The following KANSL1L variants were observed in gnomAD, a reference collection of about 807,000 sequenced individuals.
The protein encoded by KANSL1L is KAT8 regulatory NSL complex subunit 1-like protein.
KANSL1L carries 25 observed loss-of-function variants against 108.6 expected under a neutral mutation model. That is an observed-to-expected ratio of 0.23 (90% CI 0.17 to 0.32). The LOEUF is 0.32. Ranked by LOEUF, KANSL1L falls within the 10% of genes least tolerant of loss-of-function variation. KANSL1L has a pLI of 1.00. For missense variants in KANSL1L, 1,137 were observed against 1,125.7 expected (o/e 1.01, Z -0.14); for synonymous variants, 405 against 395.1 (o/e 1.03, Z -0.30).
At chr2:210,153,449 G>A (rs374719376) in intron 2 of KANSL1L, 46 bp downstream of exon 2, 1 of 1,436,280 alleles carries the variant, frequency 7.0e-7, no homozygotes. Flanking sequence ...GATAATTGCT[G>A]CTATATATGG....
In KANSL1L at chr2:210,079,646, A is replaced by ATATATATATGTGTG. The variant is rs1559539677; in HGVS notation, c.1551-3891_1551-3890insCACACATATATATA. Among the ~76,000 whole-genome samples, 7 of 13,128 alleles carry ATATATATATGTGTG rather than the reference A, an allele frequency of 5.3e-4. 1 individual carries two copies. The highest frequency in any genetic ancestry group is 7.4e-3 in the South Asian group (2 of 270). 8.6% of individuals were successfully genotyped at this position (13,128 alleles called of 152,430 possible). On this transcript the variant is annotated intron_variant, in intron 5 of 14. Transcript: ENST00000281772. ...TATATATATATATATATATATATAT[A>ATATATATATGTGTG]TATATATATATATATATATGTATGT...
At chr2:210,100,218 A>G (rs1013119463) in intron 4 of KANSL1L, among the ~76,000 whole-genome samples, 3 of 152,136 alleles carry the variant, frequency 2.0e-5, no homozygotes, top group African/African-American at 7.2e-5. Context: ...GCTGCTCCTT[A>G]TAAGACTCTA....
chr2:210,098,439 A>C (rs1156806646), intron 4 of KANSL1L, among the ~76,000 whole-genome samples: 1 of 151,982 alleles, frequency 6.6e-6, no homozygotes, highest in Non-Finnish European at 1.5e-5. Flanking sequence ...TTGTTCCTTC[A>C]TCTACCCATC....
At chr2:210,066,725 T>C (rs1192842611) in intron 6 of KANSL1L, among the ~76,000 whole-genome samples, 1 of 152,230 alleles carries the variant, frequency 6.6e-6, no homozygotes, top group Non-Finnish European at 1.5e-5. Context: ...AGATACATCT[T>C]TGTTGTTTTA....
At chr2:210,096,849 A>C (rs1366173573) in intron 5 of KANSL1L, 1 of 829,650 alleles carries the variant, frequency 1.2e-6, no homozygotes, top group Non-Finnish European at 1.5e-6. Context: ...TACATAACTC[A>C]ACATAAATAA....
Position 210,150,627 on chromosome 2 carries a change from A to G in KANSL1L, c.1088+2868T>C, listed in dbSNP as rs553410160. On this transcript the variant is annotated intron_variant, in intron 2 of 14. Transcript: ENST00000281772. ...GAGAAACCCTATCTCTACTAAAAAT[A>G]CAAAATTAGCTGGGCGTGGTGGTGC... Among the ~76,000 whole-genome samples, 60 of 152,112 alleles carry G rather than the reference A, an allele frequency of 3.9e-4. No homozygotes were observed. In the South Asian group the frequency reaches 0.012, roughly 32 times the overall value.
intron 8 of KANSL1L, chr2:210,040,178 T>C: frequency 2.6e-6 from 1 of 383,010 alleles, no homozygotes; most frequent in Non-Finnish European, 4.6e-6. Context: ...TCTCCACATT[T>C]ATTTAAATTT....
chr2:210,063,788 A>G (rs1450789372), intron 6 of KANSL1L: 2 of 152,170 alleles, frequency 1.3e-5, no homozygotes, highest in African/African-American at 4.8e-5. Flanking sequence ...TTACAGGCTC[A>G]TAGGCGAAAG....
intron 3 of KANSL1L, among the ~76,000 whole-genome samples, chr2:210,119,439 T>C (rs1290050008): frequency 6.6e-6 from 1 of 152,094 alleles, no homozygotes; most frequent in Non-Finnish European, 1.5e-5. Flanking sequence ...CAGAAGTCCT[T>C]AACAAAAAAT....
chr2:210,088,024 C>T lies in KANSL1L; in HGVS notation c.1550+10062G>A, dbSNP rs76324265. ...TATATCACAAAGATAGAAATTCCATCTGGTTTTGTTCATTATCATATACCT... is the reference window on the plus strand; with the variant it reads ...TATATCACAAAGATAGAAATTCCATTTGGTTTTGTTCATTATCATATACCT... On this transcript the variant is annotated intron_variant, in intron 5 of 14. Coordinates refer to ENST00000281772, the MANE Select transcript of KANSL1L (RefSeq NM_152519.4). Among the ~76,000 whole-genome samples the T allele has an allele frequency of 3.6e-3, 548 of 152,098 alleles. 2 individuals carry two copies. Among genetic ancestry groups the T allele is most frequent in the African/African-American group, 0.013 (524 of 41,500 alleles).
chr2:210,095,967 A>T (rs143287231), intron 5 of KANSL1L, among the ~76,000 whole-genome samples: 1 of 152,296 alleles, frequency 6.6e-6, no homozygotes, highest in Non-Finnish European at 1.5e-5. Context: ...ATTAATTAAA[A>T]CACGTATCAG....
chr2:210,090,976 T>G (rs2094688683), intron 5 of KANSL1L, among the ~76,000 whole-genome samples: 1 of 152,240 alleles, frequency 6.6e-6, no homozygotes, highest in African/African-American at 2.4e-5. Flanking sequence ...CAACTAATTT[T>G]CAGGTCACAG....
chr2:210,101,142 T>C (rs11675027), intron 4 of KANSL1L, among the ~76,000 whole-genome samples: 13,348 of 152,184 alleles, frequency 0.088, 619 homozygotes, highest in Middle Eastern at 0.14. Flanking sequence ...CCCTATACTA[T>C]CAAAGGCCCT....
At chr2:210,085,781 G>A (rs1034984304) in intron 5 of KANSL1L, among the ~76,000 whole-genome samples, 1 of 150,760 alleles carries the variant, frequency 6.6e-6, no homozygotes, top group African/African-American at 2.4e-5. Context: ...ACATAATTTT[G>A]TATAGTTACA....
At chr2:210,049,343 A>AT (rs199687913) in intron 6 of KANSL1L, among the ~76,000 whole-genome samples, 4 of 128,078 alleles carry the variant, frequency 3.1e-5, no homozygotes, top group Non-Finnish European at 6.4e-5. Context: ...TATTCTGAGG[A>AT]TTTTTTTTTA....
chr2:210,076,054 T>A (rs1258674521), intron 5 of KANSL1L, among the ~76,000 whole-genome samples: 1 of 152,230 alleles, frequency 6.6e-6, no homozygotes, highest in South Asian at 2.1e-4. Context: ...AAACAATAAT[T>A]CATGTCAATT....
At chr2:210,039,266 C>T (rs1384210501) in intron 8 of KANSL1L, among the ~76,000 whole-genome samples, 1 of 151,908 alleles carries the variant, frequency 6.6e-6, no homozygotes, top group Non-Finnish European at 1.5e-5. Flanking sequence ...ATACTGTCTT[C>T]TGACAGGAAC....
chr2:210,024,335 T>G, intron 13 of KANSL1L, 134 bp from the exon 14 acceptor site: 1 of 534,046 alleles, frequency 1.9e-6, no homozygotes, highest in Non-Finnish European at 3.2e-6. Context: ...TTTTTAAAAA[T>G]TCCCCTGGTG....
At chr2:210,036,669 C>T (rs909067243) in intron 8 of KANSL1L, among the ~76,000 whole-genome samples, 2 of 152,122 alleles carry the variant, frequency 1.3e-5, no homozygotes, top group African/African-American at 4.8e-5. Flanking sequence ...AATTAATGAC[C>T]AGCTATTTAA....
Sources: gnomAD v4.1 joint callset for allele counts (sites outside exome capture counted in the v4.1 genomes callset) on GRCh38, gnomAD v4.1.1 for gene constraint, MANE v1.5 for transcripts, NCBI Gene and HGNC (gene_info 2026-07-23, HGNC 2026-07-21) for gene names.